CES1: variants seen among roughly 807,000 people sequenced by gnomAD.
CES1 encodes carboxylesterase 1, also known as liver carboxylesterase 1.
Under a neutral mutation model 53.0 loss-of-function variants are expected in CES1, and 50 were observed. The observed-to-expected ratio is 0.94, with a 90% CI of 0.75 to 1.19. The LOEUF (loss-of-function observed/expected upper bound fraction) is 1.19. CES1 is among the 50% of genes most tolerant of loss of function. The pLI is 0.00. For synonymous variants in CES1, 202 were observed against 210.1 expected (o/e 0.96, Z 0.33); for missense variants, 534 against 538.0 (o/e 0.99, Z 0.07).
At chr16:55,817,860 A>C (rs1265903984) in intron 7 of CES1, among the ~76,000 whole-genome samples, 7 of 152,224 alleles carry the variant, frequency 4.6e-5, no homozygotes, top group Non-Finnish European at 8.8e-5. Context: ...ACTCAAAAGA[A>C]TGTTCTAGGA....
chr16:55,811,390 T>C (rs1282239159), intron 9 of CES1, among the ~76,000 whole-genome samples: 2 of 152,062 alleles, frequency 1.3e-5, no homozygotes, highest in Non-Finnish European at 2.9e-5. Flanking sequence ...GAAGAGGATG[T>C]AGACCTCCCT....
chr16:55,825,917 G>T (rs542096108), intron 3 of CES1, among the ~76,000 whole-genome samples: 1 of 152,186 alleles, frequency 6.6e-6, no homozygotes, highest in South Asian at 2.1e-4. Flanking sequence ...AGGGAACTTG[G>T]AACAATTAAG....
chr16:55,810,509 G>A lies in CES1; in HGVS notation c.1318+8C>T, dbSNP rs533372627. On this transcript the variant is annotated splice_region_variant and intron_variant, in intron 11 of 13. Transcript: ENST00000360526. ...TTGTGTCCCTCCCGTTCGACCTCTGGGACTCACCTCTGTGGTTCCGGGCCA... is the reference window on the plus strand; with the variant it reads ...TTGTGTCCCTCCCGTTCGACCTCTGAGACTCACCTCTGTGGTTCCGGGCCA... 3.8e-4 allele frequency: 611 copies of A among 1,613,928 alleles called. No individual in the cohort carries two copies. The South Asian group carries it at 6.3e-3, about 17-fold the overall frequency.
intron 8 of CES1, among the ~76,000 whole-genome samples, chr16:55,815,765 T>C (rs2031914672): frequency 6.6e-6 from 1 of 152,134 alleles, no homozygotes; most frequent in Non-Finnish European, 1.5e-5. Context: ...CTGCATCCAC[T>C]TTGCCCCTTT....
intron 4 of CES1, 72 bp from the exon 5 acceptor site, chr16:55,821,593 GC>G: frequency 6.5e-7 from 1 of 1,549,580 alleles, no homozygotes; most frequent in Non-Finnish European, 8.9e-7. Flanking sequence ...CACAGATGGG[GC>G]TAGGGGTTCT....
At chr16:55,810,837 T>A (rs1465262030) in intron 10 of CES1, 90 bp downstream of exon 10, 7 of 1,421,912 alleles carry the variant, frequency 4.9e-6, no homozygotes, top group Non-Finnish European at 6.0e-6. Flanking sequence ...GGCCCCAGTC[T>A]TCATTCTGCC....
chr16:55,817,582 C>A (rs142050819), intron 7 of CES1, among the ~76,000 whole-genome samples: 7 of 152,314 alleles, frequency 4.6e-5, no homozygotes, highest in Admixed American at 3.3e-4. Flanking sequence ...GTTCCCAGAT[C>A]TGACCTGTGC....
chr16:55,811,902 C>T (rs2031715482), intron 9 of CES1, among the ~76,000 whole-genome samples: 1 of 152,182 alleles, frequency 6.6e-6, no homozygotes, highest in South Asian at 2.1e-4. Flanking sequence ...GTGGGTTCTT[C>T]CTGCGGTCTA....
intron 4 of CES1, among the ~76,000 whole-genome samples, chr16:55,823,168 G>C (rs145974088): frequency 0.04 from 6,055 of 150,708 alleles, 103 homozygotes; most frequent in Middle Eastern, 0.11. Flanking sequence ...CTTTCCATGA[G>C]AAGTCAGATG....
chr16:55,818,349 C>T (rs2032038708), intron 7 of CES1, among the ~76,000 whole-genome samples: 1 of 152,200 alleles, frequency 6.6e-6, no homozygotes. Flanking sequence ...TACTCTAGAC[C>T]CGCAGGTGTC....
intron 8 of CES1, among the ~76,000 whole-genome samples, chr16:55,816,674 G>T (rs1285348884): frequency 6.6e-6 from 1 of 152,144 alleles, no homozygotes; most frequent in Admixed American, 6.5e-5. Context: ...AGGGGAGTGG[G>T]CAGAGCCCAG....
intron 1 of CES1, among the ~76,000 whole-genome samples, chr16:55,829,544 A>T (rs1460001423): frequency 6.6e-6 from 1 of 152,248 alleles, no homozygotes; most frequent in East Asian, 1.9e-4. Context: ...GATGAGAAGC[A>T]GAGAGTGGTA....
At chr16:55,820,522 G>T in intron 5 of CES1, 43 bp from the exon 6 acceptor site, 1 of 1,608,138 alleles carries the variant, frequency 6.2e-7, no homozygotes, top group Non-Finnish European at 8.5e-7. Context: ...GCTCAGGAGT[G>T]GGGTCAGTGA....
intron 8 of CES1, among the ~76,000 whole-genome samples, chr16:55,815,731 T>G (rs1167161475): frequency 2.0e-5 from 3 of 151,102 alleles, no homozygotes; most frequent in African/African-American, 7.4e-5. Context: ...ATTATGGCAA[T>G]GCAGTGGCTG....
At chr16:55,808,238 T>C (rs2031524830) in intron 11 of CES1, among the ~76,000 whole-genome samples, 1 of 145,902 alleles carries the variant, frequency 6.9e-6, no homozygotes, top group Non-Finnish European at 1.5e-5. Flanking sequence ...GAACTTATTA[T>C]AGGCAGCATG....
chr16:55,821,381 C>T lies in CES1; in HGVS notation c.680G>A (p.Ser227Asn). ...AGGAAAACTCACAAGAACAGAGACA[C>T]TTTCTCCTCCCGCTGACTCTCCAAA... The part of the protein sequence containing the change: ...TIFGESAGGE[S>N]VSVLVLSPLA... The change falls in exon 5 of 14, where the codon AGT becomes AAT. Residue 227 changes from serine (S) to asparagine (N), a missense_variant. Around this residue, in one of 5 missense-constraint regions of CES1, gnomAD observed 85 missense variants for 81.9 expected, o/e 1.04. Transcript: ENST00000360526. The T allele has an allele frequency of 1.2e-6, 2 of 1,614,206 alleles. No homozygotes were observed. Among genetic ancestry groups the T allele is most frequent in the South Asian group, 1.1e-5 (1 of 91,080 alleles).
chr16:55,822,624 G>A (rs546273767), intron 4 of CES1, among the ~76,000 whole-genome samples: 2 of 152,214 alleles, frequency 1.3e-5, no homozygotes, highest in South Asian at 4.1e-4. Flanking sequence ...GATGCCTGTG[G>A]GCTTCAAAGG....
At chr16:55,815,194 A>T (rs1364990901) in intron 8 of CES1, among the ~76,000 whole-genome samples, 1 of 152,192 alleles carries the variant, frequency 6.6e-6, no homozygotes, top group Admixed American at 6.5e-5. Context: ...CAGGGTCTAG[A>T]GGGAGGGACA....
chr16:55,832,496 C>T (rs2032721592), intron 1 of CES1, among the ~76,000 whole-genome samples: 1 of 152,346 alleles, frequency 6.6e-6, no homozygotes, highest in East Asian at 1.9e-4. Flanking sequence ...ATTTCCTCCT[C>T]ACCAAAGCCC....
Sources: allele counts gnomAD v4.1 joint callset (sites outside exome capture counted in the v4.1 genomes callset), GRCh38; gene constraint gnomAD v4.1.1; regional missense constraint gnomAD v4.1.1; transcripts MANE v1.5; gene names NCBI Gene and HGNC (gene_info 2026-07-23, HGNC 2026-07-21).